The following CDH23 variants were observed in gnomAD, a reference collection of about 807,000 sequenced individuals.
CDH23 encodes the protein cadherin-23.
A neutral mutation model predicts 317.1 loss-of-function variants in CDH23; 189 were observed. That is an observed-to-expected ratio of 0.60 (90% CI 0.53 to 0.67). The LOEUF (loss-of-function observed/expected upper bound fraction) is 0.67. Among genes scored for constraint, CDH23 ranks in the 30% least tolerant of loss-of-function variants. The pLI is 0.00. For missense variants in CDH23, 4,401 were observed against 4,592.4 expected, an observed-to-expected ratio of 0.96 and a Z score of 1.20; for synonymous variants, 1,839 against 1,876.8, an observed-to-expected ratio of 0.98 and a Z score of 0.52.
At chr10:71,779,196 G>C (rs1158711246) in intron 40 of CDH23, 71 bp from the exon 41 acceptor site, 3 of 1,433,574 alleles carry the variant, frequency 2.1e-6, no homozygotes, top group Non-Finnish European at 2.0e-6. Flanking sequence ...CCATTTCACA[G>C]AGGAAGGAAC....
intron 38 of CDH23, among the ~76,000 whole-genome samples, chr10:71,766,612 T>C (rs947497099): frequency 1.3e-5 from 2 of 152,198 alleles, no homozygotes; most frequent in Admixed American, 1.3e-4. Context: ...AGGGAAGAGC[T>C]GTCTTATGAC....
At chr10:71,414,735 T>C (rs1332385541) in intron 1 of CDH23, among the ~76,000 whole-genome samples, 3 of 152,236 alleles carry the variant, frequency 2.0e-5, no homozygotes, top group Non-Finnish European at 4.4e-5. Flanking sequence ...TGTTCCTTCT[T>C]TTTCTGTTTG....
chr10:71,803,830 A>G (rs1398526497), intron 55 of CDH23, among the ~76,000 whole-genome samples: 1 of 150,832 alleles, frequency 6.6e-6, no homozygotes, highest in African/African-American at 2.4e-5. Flanking sequence ...AAAAAAAAAA[A>G]AAAAAAAGGC....
intron 19 of CDH23, 36 bp from the exon 20 acceptor site, chr10:71,690,432 G>C: frequency 6.7e-7 from 1 of 1,495,164 alleles, no homozygotes. Flanking sequence ...CCCAGGGTGA[G>C]CAGCACCCCC....
intron 11 of CDH23, among the ~76,000 whole-genome samples, chr10:71,624,381 G>C (rs1861611165): frequency 6.6e-6 from 1 of 152,174 alleles, no homozygotes; most frequent in Non-Finnish European, 1.5e-5. Flanking sequence ...TCTGCCACTT[G>C]GTTTTCGTAC....
At chr10:71,564,265 G>A (rs10082433) in intron 6 of CDH23, among the ~76,000 whole-genome samples, 56,219 of 151,948 alleles carry the variant, frequency 0.37, 11,074 homozygotes, top group East Asian at 0.65. Flanking sequence ...CAAGCCCCCA[G>A]TGTATGTGCT....
chr10:71,431,972 A>G (rs1333931135), intron 1 of CDH23, among the ~76,000 whole-genome samples: 1 of 152,224 alleles, frequency 6.6e-6, no homozygotes, highest in East Asian at 1.9e-4. Flanking sequence ...GTGCCTTTCC[A>G]GTCTAGGACA....
In CDH23 at chr10:71,672,560, A is replaced by G. The variant is rs186171476; in HGVS notation, c.1450-2552A>G. ...AGGCGGTGGCACTGAAGGACTCACAAATCTTCCCTGATCAGCATCCGCAGC... is the reference window on the plus strand; with the variant it reads ...AGGCGGTGGCACTGAAGGACTCACAGATCTTCCCTGATCAGCATCCGCAGC... On this transcript the variant is annotated intron_variant, in intron 14 of 69. Transcript: ENST00000224721. Among the ~76,000 whole-genome samples the G allele has an allele frequency of 5.9e-5, 9 of 152,188 alleles. No homozygotes were observed. In the East Asian group the frequency reaches 1.5e-3, roughly 26 times the overall value.
intron 9 of CDH23, among the ~76,000 whole-genome samples, chr10:71,599,951 A>C (rs1860107050): frequency 6.6e-6 from 1 of 150,524 alleles, no homozygotes; most frequent in African/African-American, 2.5e-5. Flanking sequence ...CTGGAGGGAA[A>C]CTGTGGGAAT....
intron 6 of CDH23, among the ~76,000 whole-genome samples, chr10:71,515,928 GA>G (rs1854311898): frequency 6.6e-6 from 1 of 152,198 alleles, no homozygotes; most frequent in South Asian, 2.1e-4. Context: ...CAGTGTATTG[GA>G]AACAGTGTGG....
At chr10:71,622,183 AACTC>A (rs1288560277) in intron 11 of CDH23, among the ~76,000 whole-genome samples, 2 of 152,096 alleles carry the variant, frequency 1.3e-5, no homozygotes, top group Non-Finnish European at 2.9e-5. Flanking sequence ...GTGAATCGGC[AACTC>A]ACTCACCCAC....
intron 9 of CDH23, among the ~76,000 whole-genome samples, chr10:71,587,576 G>A (rs189093537): frequency 4.6e-5 from 7 of 152,310 alleles, no homozygotes; most frequent in Admixed American, 3.9e-4. Context: ...AGGGTACCTA[G>A]GAAGGCATCT....
intron 8 of CDH23, 64 bp downstream of exon 8, chr10:71,570,982 G>A (rs746130873): frequency 9.2e-5 from 146 of 1,580,936 alleles, no homozygotes; most frequent in Non-Finnish European, 1.2e-4. Context: ...CTGAGCTCCT[G>A]TTAGGGATGG....
intron 6 of CDH23, among the ~76,000 whole-genome samples, chr10:71,558,029 ACT>A (rs1332862165): frequency 6.6e-6 from 1 of 150,622 alleles, no homozygotes; most frequent in Admixed American, 6.6e-5. Flanking sequence ...ACAGAGTCTC[ACT>A]CTGTCACCCA....
At chr10:71,447,983 T>C (rs1386965567) in intron 3 of CDH23, among the ~76,000 whole-genome samples, 1 of 152,196 alleles carries the variant, frequency 6.6e-6, no homozygotes, top group African/African-American at 2.4e-5. Flanking sequence ...TTAAATCTCA[T>C]CCTCTGGGAG....
chr10:71,645,237 C>T lies in CDH23; in HGVS notation c.1141-594C>T, dbSNP rs571777931. On this transcript the variant is annotated intron_variant, in intron 12 of 69. Transcript: ENST00000224721. ...TGTGCTCAGTCTGGGATCCTGGGCC[C>T]CCCGGGACTGGCAACAGTGTGGGAT... Among the ~76,000 whole-genome samples, 10 of 152,344 alleles carry T rather than the reference C, an allele frequency of 6.6e-5. No homozygotes were observed. In the South Asian group the frequency reaches 1.9e-3, roughly 28 times the overall value.
At chr10:71,706,845 G>A (rs941994656) in intron 25 of CDH23, 52 bp from the exon 26 acceptor site, 2 of 1,543,140 alleles carry the variant, frequency 1.3e-6, no homozygotes, top group Admixed American at 3.9e-5. Context: ...CTGGAGCTGG[G>A]TCTTCTGCGG....
intron 14 of CDH23, among the ~76,000 whole-genome samples, chr10:71,670,316 TCA>T (rs1864092249): frequency 6.6e-6 from 1 of 152,198 alleles, no homozygotes; most frequent in Non-Finnish European, 1.5e-5. Flanking sequence ...GCAGTGGAAA[TCA>T]CACATTCTAC....
Position 71,805,889 on chromosome 10 carries a change from C to T in CDH23, c.7956C>T (p.Phe2652=). ...TCAACGGGGCGGTGCGCTACAGCTT[C>T]CTGAAGACTGCGGGCAACCGGGACT... The part of the protein sequence containing the change: ...EGLNGAVRYS[F]LKTAGNRDWE... Residue 2652 remains phenylalanine (F), a synonymous_variant, in exon 56 of 70, where the codon TTC becomes TTT. Transcript: ENST00000224721. 12 of 1,613,844 alleles carry T rather than the reference C, an allele frequency of 7.4e-6. No homozygotes were observed. The highest frequency in any genetic ancestry group is 1.3e-5 in the African/African-American group (1 of 75,052).
Sources: allele counts gnomAD v4.1 joint callset (sites outside exome capture counted in the v4.1 genomes callset), GRCh38; gene constraint gnomAD v4.1.1; transcripts MANE v1.5; gene names NCBI Gene and HGNC (gene_info 2026-07-23, HGNC 2026-07-21).